Variants in ADAMTS12 observed in about 807,000 individuals in gnomAD.
ADAMTS12 encodes ADAM metallopeptidase with thrombospondin type 1 motif 12.
ADAMTS12 carries 118 observed loss-of-function variants against 167.8 expected under a neutral mutation model. That is an observed-to-expected ratio of 0.70 (90% CI 0.61 to 0.82). The LOEUF (loss-of-function observed/expected upper bound fraction) is 0.82. ADAMTS12 is among the 40% of genes least tolerant of loss of function. The pLI is 0.00. For synonymous variants in ADAMTS12, 704 were observed against 716.9 expected (o/e 0.98, Z 0.29); for missense variants, 1,916 against 1,998.8 (o/e 0.96, Z 0.79).
rs1449215233 is a variant in ADAMTS12 at position 33,524,912 on chromosome 5, C to A, written c.*2276G>T. The A allele has an allele frequency of 1.3e-5, 2 of 152,226 alleles. No individual in the cohort carries two copies. The highest frequency in any genetic ancestry group is 2.9e-5 in the Non-Finnish European group (2 of 68,038). 9.4% of individuals were successfully genotyped at this position (152,226 alleles called of 1,614,324 possible). A position where few individuals can be genotyped will look rare whatever the true frequency, so the allele number is the denominator to read the frequency against. On this transcript the variant is annotated 3_prime_UTR_variant, in exon 24 of 24. Coordinates refer to ENST00000504830, the MANE Select transcript of ADAMTS12 (RefSeq NM_030955.4). ...TCCACATGTCTACCATCTTCTCCAC[C>A]ACGTGGATTGTAAATAACGTGGTCC...
Position 33,768,077 on chromosome 5 carries a change from G to T in ADAMTS12, c.490-16529C>A, listed in dbSNP as rs187746769. Among the ~76,000 whole-genome samples, 421 of 152,248 alleles carry T rather than the reference G, an allele frequency of 2.8e-3. 2 individuals carry two copies. The highest frequency in any genetic ancestry group is 0.027 in the Middle Eastern group (8 of 294). Reference sequence around the variant, plus strand: ...AAGCTGTTAAAAAAAATGCCCTGGGGAGGCAACCATTCAGGCCGAAGTTAG... The same window carrying T: ...AAGCTGTTAAAAAAAATGCCCTGGGTAGGCAACCATTCAGGCCGAAGTTAG... On this transcript the variant is annotated intron_variant, in intron 2 of 23. Transcript: ENST00000504830.
rs140082012 is a variant in ADAMTS12, at chr5:33,592,336, G to T, written c.2655-3527C>A. ...AATAGCGTTGAGGTTGAGAAACCTT[G>T]ATTTAAGTCATATGTCATTATTTTG... On this transcript the variant is annotated intron_variant, in intron 17 of 23. Coordinates refer to ENST00000504830, the MANE Select transcript of ADAMTS12 (RefSeq NM_030955.4). 3.7e-4 allele frequency among the ~76,000 whole-genome samples: 56 copies of T among 152,306 alleles called. 1 individual carries two copies. In the East Asian group the frequency reaches 0.01, roughly 28 times the overall value.
intron 22 of ADAMTS12, among the ~76,000 whole-genome samples, chr5:33,535,337 T>C (rs1174651785): frequency 6.6e-6 from 1 of 152,182 alleles, no homozygotes; most frequent in African/African-American, 2.4e-5. Context: ...CCCAGCCACC[T>C]GGCCACACAT....
At position 33,523,766 on chromosome 5, in the gene ADAMTS12, A is replaced by G. The variant is rs1743685337; in HGVS notation, c.*3422T>C. ...TTTACCCACCATGTTTTTTAGTAAC[A>G]TAACTTAGAATACTACTTGAATAAG... On this transcript the variant is annotated 3_prime_UTR_variant, in exon 24 of 24. Coordinates refer to ENST00000504830, the MANE Select transcript of ADAMTS12 (RefSeq NM_030955.4). 1 of 152,188 alleles carries G rather than the reference A, an allele frequency of 6.6e-6. No homozygotes were observed. The highest frequency in any genetic ancestry group is 6.5e-5 in the Admixed American group (1 of 15,278). The allele number at this position is 152,188 out of a possible 1,614,324, so 9.4% of individuals were successfully genotyped here.
intron 2 of ADAMTS12, among the ~76,000 whole-genome samples, chr5:33,847,194 T>A (rs1397025684): frequency 6.6e-6 from 1 of 152,196 alleles, no homozygotes; most frequent in African/African-American, 2.4e-5. Context: ...GTTACAGATG[T>A]GTAGATCTAT....
intron 2 of ADAMTS12, among the ~76,000 whole-genome samples, chr5:33,834,307 G>A (rs1748425760): frequency 6.6e-6 from 1 of 152,192 alleles, no homozygotes; most frequent in Admixed American, 6.5e-5. Context: ...CAATATACAA[G>A]AGTGTTTTAG....
intron 20 of ADAMTS12, among the ~76,000 whole-genome samples, chr5:33,559,253 C>G (rs1290184252): frequency 6.6e-6 from 1 of 152,140 alleles, no homozygotes. Flanking sequence ...GGAACCAGCT[C>G]CCTGGAGAGA....
chr5:33,547,331 T>C (rs1229866910), intron 21 of ADAMTS12, among the ~76,000 whole-genome samples: 1 of 152,138 alleles, frequency 6.6e-6, no homozygotes, highest in Non-Finnish European at 1.5e-5. Context: ...TCCCCTGAAT[T>C]GGCCATTCTC....
intron 2 of ADAMTS12, among the ~76,000 whole-genome samples, chr5:33,809,544 G>A (rs751857723): frequency 7.9e-5 from 12 of 151,872 alleles, no homozygotes; most frequent in African/African-American, 2.7e-4. Context: ...TTATTTATTC[G>A]ACTTGGGATG....
chr5:33,545,468 C>A (rs10472223), intron 22 of ADAMTS12, among the ~76,000 whole-genome samples: 3,209 of 152,240 alleles, frequency 0.021, 113 homozygotes, highest in African/African-American at 0.073. Context: ...CCTCAAGGAT[C>A]TAGAACTAGA....
chr5:33,705,600 G>T (rs1743168177), intron 3 of ADAMTS12, among the ~76,000 whole-genome samples: 1 of 152,044 alleles, frequency 6.6e-6, no homozygotes, highest in African/African-American at 2.4e-5. Context: ...ATCACATGAG[G>T]TCAGGAGTTT....
chr5:33,801,119 T>C (rs1043956489), intron 2 of ADAMTS12, among the ~76,000 whole-genome samples: 2 of 152,056 alleles, frequency 1.3e-5, no homozygotes, highest in Non-Finnish European at 2.9e-5. Context: ...AGAAGCAAAT[T>C]CCCCCATAGA....
chr5:33,675,587 T>A (rs967929236), intron 5 of ADAMTS12, among the ~76,000 whole-genome samples: 2 of 152,188 alleles, frequency 1.3e-5, no homozygotes, highest in Non-Finnish European at 2.9e-5. Context: ...GTACAATTAA[T>A]TGAGTTGATG....
intron 17 of ADAMTS12, among the ~76,000 whole-genome samples, chr5:33,590,151 G>A (rs1434587152): frequency 2.6e-5 from 4 of 152,198 alleles, no homozygotes; most frequent in Admixed American, 1.3e-4. Context: ...TATATAAAAT[G>A]CCATTCTGAA....
intron 2 of ADAMTS12, among the ~76,000 whole-genome samples, chr5:33,876,462 G>A (rs10075630): frequency 0.021 from 3,250 of 152,138 alleles, 111 homozygotes; most frequent in African/African-American, 0.074. Context: ...ATATAGACTC[G>A]CAAAAATACA....
chr5:33,528,399 A>G lies in ADAMTS12; in HGVS notation c.4607-1033T>C, dbSNP rs1743923321. On this transcript the variant is annotated intron_variant, in intron 23 of 23. Coordinates refer to ENST00000504830, the MANE Select transcript of ADAMTS12 (RefSeq NM_030955.4). ...TGAGTTTTGGTTATCCCCCACAACT[A>G]CTTTGGTACCCCCAAAACTATTGAA... Among the ~76,000 whole-genome samples the G allele has an allele frequency of 3.9e-5, 6 of 152,326 alleles. No homozygotes were observed. In the South Asian group the frequency reaches 1.2e-3, roughly 32 times the overall value.
chr5:33,848,206 G>T (rs1289640310), intron 2 of ADAMTS12, among the ~76,000 whole-genome samples: 1 of 151,084 alleles, frequency 6.6e-6, no homozygotes, highest in Non-Finnish European at 1.5e-5. Flanking sequence ...AACAGAGTAA[G>T]ACTCTGTTTA....
intron 3 of ADAMTS12, among the ~76,000 whole-genome samples, chr5:33,696,016 C>T (rs1252833475): frequency 4.0e-5 from 6 of 151,868 alleles, no homozygotes; most frequent in Non-Finnish European, 7.4e-5. Context: ...CCTAAAGAGA[C>T]TCAATCCTTA....
chr5:33,554,392 T>C (rs927939793), intron 20 of ADAMTS12, among the ~76,000 whole-genome samples: 2 of 152,206 alleles, frequency 1.3e-5, no homozygotes, highest in Admixed American at 6.5e-5. Context: ...TCACTTCTTA[T>C]ATGCTCCTAA....
Sources: gnomAD v4.1 joint callset for allele counts (sites outside exome capture counted in the v4.1 genomes callset) on GRCh38, gnomAD v4.1.1 for gene constraint, MANE v1.5 for transcripts, NCBI Gene and HGNC (gene_info 2026-07-23, HGNC 2026-07-21) for gene names.